RNF14: variants seen among roughly 807,000 people sequenced by gnomAD.
RNF14 encodes the protein ring finger protein 14.
RNF14 carries 26 observed loss-of-function variants against 52.6 expected under a neutral mutation model. That is an observed-to-expected ratio of 0.49 (90% CI 0.36 to 0.69). The LOEUF is 0.69. Among genes scored for constraint, RNF14 ranks in the 30% least tolerant of loss-of-function variants. The probability of loss-of-function intolerance (pLI) is 0.00; values close to 1 mark genes in which losing one functional copy is unlikely to be tolerated. For missense variants in RNF14, 404 were observed against 560.4 expected (o/e 0.72, Z 2.82); for synonymous variants, 194 against 202.0 (o/e 0.96, Z 0.34).
chr5:141,964,125 A>G (rs1433187791), upstream of RNF14, among the ~76,000 whole-genome samples: 1 of 152,246 alleles, frequency 6.6e-6, no homozygotes, highest in African/African-American at 2.4e-5. Flanking sequence ...AAAACATTTT[A>G]TACTGTCAGC....
chr5:141,958,062 G>T, upstream of RNF14: 1 of 597,466 alleles, frequency 1.7e-6, no homozygotes, highest in Non-Finnish European at 2.9e-6. Flanking sequence ...ATGTCCAAAC[G>T]CCGATCAAGA....
intron 8 of RNF14, 114 bp downstream of exon 8, chr5:141,985,047 A>T: frequency 1.0e-6 from 1 of 966,770 alleles, no homozygotes; most frequent in Non-Finnish European, 1.6e-6. Flanking sequence ...ATTCTCTTAC[A>T]TGTTTTCCCC....
At chr5:141,960,367 G>A (rs867091093) in intron 1 of RNF14, among the ~76,000 whole-genome samples, 5 of 152,206 alleles carry the variant, frequency 3.3e-5, no homozygotes, top group African/African-American at 7.2e-5. Flanking sequence ...GAATCCTGAC[G>A]GACCTGGAGG....
intron 5 of RNF14, among the ~76,000 whole-genome samples, chr5:141,979,193 A>G (rs972592202): frequency 1.3e-5 from 2 of 152,090 alleles, no homozygotes; most frequent in Admixed American, 6.5e-5. Flanking sequence ...CAACTTTTTT[A>G]TAGACTTCAG....
chr5:141,968,938 A>AGC (rs796445809), upstream of RNF14: 17 of 152,322 alleles, frequency 1.1e-4, no homozygotes, highest in African/African-American at 3.8e-4. Context: ...GCCTCCTGTG[A>AGC]GCACAGGGCT....
upstream of RNF14, chr5:141,958,245 C>T (rs1247304831): frequency 5.4e-6 from 1 of 185,988 alleles, no homozygotes; most frequent in Non-Finnish European, 1.1e-5. Context: ...GGAAACCCCA[C>T]CTACAGGAAA....
chr5:141,955,829 T>C, upstream of RNF14: 1 of 1,613,968 alleles, frequency 6.2e-7, no homozygotes, highest in Non-Finnish European at 8.5e-7. The surrounding 1 kb of genome is among the most constrained non-coding windows in gnomAD (Gnocchi z 5.5). Flanking sequence ...TCTACTACTA[T>C]CTCCAGCTCC....
chr5:141,960,574 C>G (rs919448510), intron 1 of RNF14, among the ~76,000 whole-genome samples: 2 of 152,148 alleles, frequency 1.3e-5, no homozygotes, highest in Non-Finnish European at 2.9e-5. Flanking sequence ...GTTCCCATGG[C>G]TAAGAATTTA....
intron 4 of RNF14, among the ~76,000 whole-genome samples, chr5:141,976,768 T>TTC (rs1307437145): frequency 6.7e-5 from 10 of 148,798 alleles, no homozygotes; most frequent in South Asian, 6.4e-4. Context: ...CCAGCTGCCT[T>TTC]TCTCTCTCTT....
At chr5:141,987,700 T>G (rs1403901701) in intron 8 of RNF14, 33 bp from the exon 9 acceptor site, 2 of 1,605,238 alleles carry the variant, frequency 1.2e-6, no homozygotes, top group Non-Finnish European at 1.7e-6. Flanking sequence ...TTCGTTCAAG[T>G]GTATAAAAAT....
chr5:141,949,737 G>T, the RNF14 span, among the ~76,000 whole-genome samples: 2 of 152,082 alleles, frequency 1.3e-5, no homozygotes, highest in African/African-American at 2.4e-5. Context: ...TGTGATTCCC[G>T]CCCTCCTCTT....
upstream of RNF14, chr5:141,956,698 T>A (rs760731069): frequency 6.2e-7 from 1 of 1,614,240 alleles, no homozygotes; most frequent in East Asian, 2.2e-5. Context: ...CAAACCATTG[T>A]GTCCTGAATC....
chr5:141,964,791 T>A (rs1328917348), upstream of RNF14, among the ~76,000 whole-genome samples: 2 of 149,478 alleles, frequency 1.3e-5, no homozygotes, highest in African/African-American at 2.5e-5. Flanking sequence ...TTTTTTTTTT[T>A]TTTTTTTGTA....
chr5:141,978,329 C>T lies in RNF14; in HGVS notation c.333C>T (p.Asp111=), dbSNP rs1391710030. 3 of 1,606,846 alleles carry T rather than the reference C, an allele frequency of 1.9e-6. No individual in the cohort carries two copies. Among genetic ancestry groups the T allele is most frequent in the East Asian group, 2.2e-5 (1 of 44,768 alleles). Residue 111 remains aspartate, a synonymous_variant, in exon 5 of 9, where the codon GAC becomes GAT. Coordinates refer to ENST00000394520, the MANE Select transcript of RNF14 (RefSeq NM_004290.5). ...TATCTGCTCTATGCAAGCACTTAGA[C>T]AACCTATGGGAAGAACACCGTGGCA... ...TQLSALCKHL[D]NLWEEHRGSV...
intron 3 of RNF14, among the ~76,000 whole-genome samples, chr5:141,974,198 C>T (rs983198636): frequency 3.3e-5 from 5 of 152,226 alleles, no homozygotes; most frequent in African/African-American, 7.2e-5. Context: ...GCTTTTGATA[C>T]AGACATTTAC....
At chr5:141,987,561 G>A (rs896515419) in intron 8 of RNF14, among the ~76,000 whole-genome samples, 172 bp from the exon 9 acceptor site, 1 of 152,104 alleles carries the variant, frequency 6.6e-6, no homozygotes, top group Non-Finnish European at 1.5e-5. Context: ...ACTAACTTTA[G>A]GGTAGATTGT....
At chr5:141,957,386 G>A, upstream of RNF14, 1 of 1,613,782 alleles carries the variant, frequency 6.2e-7, no homozygotes, top group Non-Finnish European at 8.5e-7. The surrounding 1 kb of genome is among the most constrained non-coding windows in gnomAD (Gnocchi z 4.3). Flanking sequence ...GCTCTGTCCA[G>A]GGGGATCCGG....
upstream of RNF14, among the ~76,000 whole-genome samples, chr5:141,966,417 G>T (rs1418327847): frequency 6.6e-6 from 1 of 151,624 alleles, no homozygotes; most frequent in Non-Finnish European, 1.5e-5. Context: ...AATATAAAAG[G>T]CCTTATTAAA....
At position 141,984,783 on chromosome 5, in the gene RNF14, C is replaced by G; in HGVS notation, c.1237-20C>G. 6.2e-7 allele frequency: 1 copy of G among 1,612,394 alleles called. No individual in the cohort carries two copies. The highest frequency in any genetic ancestry group is 8.5e-7 in the Non-Finnish European group (1 of 1,178,696). ...GCTTTTACAGCCTTGATATTTTTCT[C>G]TTTCTATCCTTCCCACCAGAAATTA... On this transcript the variant is annotated intron_variant, in intron 7 of 8. Transcript: ENST00000394520.
Sources: allele counts gnomAD v4.1 joint callset (sites outside exome capture counted in the v4.1 genomes callset), GRCh38; gene constraint gnomAD v4.1.1; non-coding constraint Gnocchi (gnomAD v3.1); transcripts MANE v1.5; gene names NCBI Gene and HGNC (gene_info 2026-07-23, HGNC 2026-07-21).